Variants in KCNQ1 observed in about 807,000 individuals in gnomAD.
KCNQ1 encodes potassium voltage-gated channel subfamily Q member 1, also known as potassium voltage-gated channel subfamily KQT member 1.
KCNQ1 carries 49 observed loss-of-function variants against 72.4 expected under a neutral mutation model. That is an observed-to-expected ratio of 0.68 (90% CI 0.54 to 0.86). The LOEUF is 0.86. Among genes scored for constraint, KCNQ1 ranks in the 40% least tolerant of loss-of-function variants. The pLI, the probability that KCNQ1 is intolerant of heterozygous loss-of-function variation, is 0.00. For synonymous variants in KCNQ1, 450 were observed against 412.6 expected, an observed-to-expected ratio of 1.09 and a Z score of -1.10; for missense variants, 790 against 945.1, an observed-to-expected ratio of 0.84 and a Z score of 2.15.
In KCNQ1 at chr11:2,711,433, T is replaced by A. The variant is rs1264876577; in HGVS notation, c.1514+49352T>A. On this transcript the variant is annotated intron_variant, in intron 11 of 15. Transcript: ENST00000155840. This position sits in a 1 kb window ranked among gnomAD's most constrained non-coding sequence, Gnocchi z 5.4. ...GCCTGGAGTGTTCTCTCTCCTCCCT[T>A]TTCTGTGAGCCGTCATGAAACACCT... is the stretch of plus-strand genomic sequence containing the variant. Among the ~76,000 whole-genome samples, 2 of 152,198 alleles carry A rather than the reference T, an allele frequency of 1.3e-5. No individual in the cohort carries two copies. The highest frequency in any genetic ancestry group is 4.8e-5 in the African/African-American group (2 of 41,442).
At chr11:2,452,575 G>T (rs1846132340) in intron 1 of KCNQ1, among the ~76,000 whole-genome samples, 1 of 152,200 alleles carries the variant, frequency 6.6e-6, no homozygotes, top group Non-Finnish European at 1.5e-5. Context: ...AGCAGCCCCG[G>T]GAACCATGCG....
intron 11 of KCNQ1, among the ~76,000 whole-genome samples, chr11:2,740,490 C>G (rs542435535): frequency 6.6e-6 from 1 of 152,142 alleles, no homozygotes; most frequent in Non-Finnish European, 1.5e-5. Flanking sequence ...ACAGCGCACG[C>G]GGGCTTTGAA....
In KCNQ1 at chr11:2,784,878, G is replaced by A. The variant is rs971684262; in HGVS notation, c.1794+6841G>A. 5.9e-5 allele frequency among the ~76,000 whole-genome samples: 9 copies of A among 151,868 alleles called. No individual in the cohort carries two copies. Among genetic ancestry groups the A allele is most frequent in the Non-Finnish European group, 1.5e-5 (1 of 67,822 alleles). ...AACATTAAATTTTTATATCAATCTTGTAAACTGACTTTTCTATTCTTGGCT... is the reference window on the plus strand; with the variant it reads ...AACATTAAATTTTTATATCAATCTTATAAACTGACTTTTCTATTCTTGGCT... On this transcript the variant is annotated intron_variant, in intron 15 of 15. Transcript: ENST00000155840. This position sits in a 1 kb window ranked among gnomAD's most constrained non-coding sequence, Gnocchi z 4.7.
intron 6 of KCNQ1, among the ~76,000 whole-genome samples, chr11:2,574,132 A>C (rs1220476774): frequency 1.3e-5 from 2 of 152,178 alleles, no homozygotes; most frequent in African/African-American, 4.8e-5. Flanking sequence ...GCCAGAGTGC[A>C]GGGAGGGAAT....
rs564878734 is a variant in KCNQ1 at position 2,471,818 on chromosome 11, G to A, written c.386+26334G>A. Among the ~76,000 whole-genome samples, 1 of 149,850 alleles carries A rather than the reference G, an allele frequency of 6.7e-6. No individual in the cohort carries two copies. The highest frequency in any genetic ancestry group is 6.6e-5 in the Admixed American group (1 of 15,088). On this transcript the variant is annotated intron_variant, in intron 1 of 15. Coordinates refer to ENST00000155840, the MANE Select transcript of KCNQ1 (RefSeq NM_000218.3). The surrounding 1 kb of genome is among the most constrained non-coding windows in gnomAD (Gnocchi z 4.8). ...CATGTGTATATAGGTGTGTGTGCAC[G>A]TGTATGGGTGCGTGTGCACCTATGT...
chr11:2,507,683 C>T lies in KCNQ1; in HGVS notation c.387-20245C>T, dbSNP rs1564800792. ...GCAGTAAGACCTGCAGGTGGGAGCT[C>T]TGGGGAGAGAGTGCGGGCTGGGCTC... is the stretch of plus-strand genomic sequence containing the variant. On this transcript the variant is annotated intron_variant, in intron 1 of 15. Transcript: ENST00000155840. This position sits in a 1 kb window ranked among gnomAD's most constrained non-coding sequence, Gnocchi z 5.4. 1.3e-5 allele frequency among the ~76,000 whole-genome samples: 2 copies of T among 152,020 alleles called. No homozygotes were observed. Among genetic ancestry groups the T allele is most frequent in the Admixed American group, 1.3e-4 (2 of 15,258 alleles).
At chr11:2,726,678 C>T (rs1024437991) in intron 11 of KCNQ1, among the ~76,000 whole-genome samples, 1 of 152,136 alleles carries the variant, frequency 6.6e-6, no homozygotes, top group Non-Finnish European at 1.5e-5. Context: ...TATTTTCCCC[C>T]AAAATTTTAT....
At chr11:2,449,563 G>A (rs1394468951) in intron 1 of KCNQ1, among the ~76,000 whole-genome samples, 1 of 152,138 alleles carries the variant, frequency 6.6e-6, no homozygotes, top group Non-Finnish European at 1.5e-5. Flanking sequence ...ATCCTGGCAT[G>A]TGGCACGTCT....
At position 2,633,931 on chromosome 11, in the gene KCNQ1, T is replaced by C. The variant is rs114473825; in HGVS notation, c.1394-28030T>C. The stretch of plus-strand genomic sequence containing the variant: ...ATATTGCATTCTATCCTTGTTAGAT[T>C]ATGGGGAAAATCCACGTATAAATGA... On this transcript the variant is annotated intron_variant, in intron 10 of 15. Transcript: ENST00000155840. 2,656 of 398,624 alleles carry C rather than the reference T, an allele frequency of 6.7e-3. 63 individuals are homozygous for C. The highest frequency in any genetic ancestry group is 0.051 in the African/African-American group (2,462 of 48,744). The allele number at this position is 398,624 out of a possible 1,614,324, so 24.7% of individuals were successfully genotyped here.
rs992035595 is a variant in KCNQ1 at position 2,589,397 on chromosome 11, G to A, written c.1393+543G>A. On this transcript the variant is annotated intron_variant, in intron 10 of 15. Transcript: ENST00000155840. ...GCGTCCCTCCTCTCACCCCTGCAGC[G>A]GGGGCTGGGATGAAGCTACCTTCTG... Among the ~76,000 whole-genome samples the A allele has an allele frequency of 7.9e-5, 12 of 152,328 alleles. No homozygotes were observed. The East Asian group carries it at 1.9e-3, about 25-fold the overall frequency.
intron 11 of KCNQ1, among the ~76,000 whole-genome samples, chr11:2,756,018 T>A (rs1241448471): frequency 6.6e-6 from 1 of 152,250 alleles, no homozygotes; most frequent in Admixed American, 6.5e-5. Flanking sequence ...TAAACCACAG[T>A]CTGACCATTG....
intron 10 of KCNQ1, chr11:2,636,139 A>G (rs185474689): frequency 9.2e-5 from 14 of 152,338 alleles, no homozygotes; most frequent in Admixed American, 7.8e-4. Context: ...AACAGGGACA[A>G]TTTGACTTCC....
intron 2 of KCNQ1, among the ~76,000 whole-genome samples, chr11:2,560,156 G>T (rs1190161328): frequency 8.8e-6 from 1 of 113,542 alleles, no homozygotes; most frequent in African/African-American, 3.3e-5. Flanking sequence ...CAGCCCAGGG[G>T]AATGAGGGGG....
At chr11:2,844,229 C>T (rs935268906) in intron 15 of KCNQ1, among the ~76,000 whole-genome samples, 1 of 152,176 alleles carries the variant, frequency 6.6e-6, no homozygotes, top group African/African-American at 2.4e-5. Context: ...CTGGGGCTGC[C>T]GAGGAGCCAC....
At position 2,752,742 on chromosome 11, in the gene KCNQ1, G is replaced by A. The variant is rs576573177; in HGVS notation, c.1515-16102G>A. 7.2e-4 allele frequency among the ~76,000 whole-genome samples: 109 copies of A among 152,276 alleles called. No homozygotes were observed. The highest frequency in any genetic ancestry group is 2.4e-3 in the African/African-American group (100 of 41,550). ...ATCTCCTAACACCATCAGGGCTGCG[G>A]GTTAGCTTTCGACATAGGGACTTTG... On this transcript the variant is annotated intron_variant, in intron 11 of 15. Transcript: ENST00000155840. The surrounding 1 kb of genome is among the most constrained non-coding windows in gnomAD (Gnocchi z 5.2).
chr11:2,571,314 G>A lies in KCNQ1; in HGVS notation c.605-11G>A, dbSNP rs200828849. The A allele has an allele frequency of 2.0e-4, 315 of 1,611,716 alleles. 1 individual carries two copies. In the Admixed American group the frequency reaches 4.9e-3, roughly 25 times the overall value. ...GATCACGAAAAGCTCCCCCTCTCCTGCACTCCACAGACCTCATCGTGGTCG... is the reference window on the plus strand; with the variant it reads ...GATCACGAAAAGCTCCCCCTCTCCTACACTCCACAGACCTCATCGTGGTCG... On this transcript the variant is annotated splice_polypyrimidine_tract_variant and intron_variant, in intron 3 of 15. Coordinates refer to ENST00000155840, the MANE Select transcript of KCNQ1 (RefSeq NM_000218.3).
At position 2,647,920 on chromosome 11, in the gene KCNQ1, A is replaced by T; in HGVS notation, c.1394-14041A>T. 2.5e-6 allele frequency: 1 copy of T among 398,372 alleles called. No individual in the cohort carries two copies. The highest frequency in any genetic ancestry group is 3.6e-5 in the East Asian group (1 of 28,076). The allele number at this position is 398,372 out of a possible 1,614,324, so 24.7% of individuals were successfully genotyped here. ...GTTTATTGATTTTCTCTTTTCAAAAAATCAGTTTTTTGGCTGGGTTTGTTG... is the reference window on the plus strand; with the variant it reads ...GTTTATTGATTTTCTCTTTTCAAAATATCAGTTTTTTGGCTGGGTTTGTTG... On this transcript the variant is annotated intron_variant, in intron 10 of 15. Coordinates refer to ENST00000155840, the MANE Select transcript of KCNQ1 (RefSeq NM_000218.3). The surrounding 1 kb of genome is among the most constrained non-coding windows in gnomAD (Gnocchi z 4.0).
In KCNQ1 at chr11:2,484,749, C is replaced by G. The variant is rs1043690699; in HGVS notation, c.386+39265C>G. Among the ~76,000 whole-genome samples, 1 of 152,184 alleles carries G rather than the reference C, an allele frequency of 6.6e-6. No homozygotes were observed. The highest frequency in any genetic ancestry group is 2.4e-5 in the African/African-American group (1 of 41,442). ...GTGGACCTGCTGCTCTGCGCCCACT[C>G]GGCCGACGGAGCTGGGGAATATGTG... On this transcript the variant is annotated intron_variant, in intron 1 of 15. Transcript: ENST00000155840. This position sits in a 1 kb window ranked among gnomAD's most constrained non-coding sequence, Gnocchi z 5.2.
chr11:2,817,401 C>T lies in KCNQ1; in HGVS notation c.1795-30366C>T, dbSNP rs1847638843. On this transcript the variant is annotated intron_variant, in intron 15 of 15. Coordinates refer to ENST00000155840, the MANE Select transcript of KCNQ1 (RefSeq NM_000218.3). This position sits in a 1 kb window ranked among gnomAD's most constrained non-coding sequence, Gnocchi z 6.1. ...AATCACACCAGTGCCCCCTGACCCC[C>T]AGCCTTGTGCAGACACTGATACCCT... 6.6e-6 allele frequency among the ~76,000 whole-genome samples: 1 copy of T among 152,160 alleles called. No individual in the cohort carries two copies. Among genetic ancestry groups the T allele is most frequent in the South Asian group, 2.1e-4 (1 of 4,838 alleles).
Sources: gnomAD v4.1 joint callset for allele counts (sites outside exome capture counted in the v4.1 genomes callset) on GRCh38, gnomAD v4.1.1 for gene constraint, Gnocchi (gnomAD v3.1) non-coding constraint, MANE v1.5 for transcripts, NCBI Gene and HGNC (gene_info 2026-07-23, HGNC 2026-07-21) for gene names.